CHAT: variants seen among roughly 807,000 people sequenced by gnomAD.
The protein encoded by CHAT is acetyl CoA:choline O-acetyltransferase.
CHAT carries 61 observed loss-of-function variants against 76.9 expected under a neutral mutation model. That is an observed-to-expected ratio of 0.79 (90% confidence interval 0.65 to 0.98). The LOEUF is 0.98. Ranked by LOEUF, CHAT falls within the 50% of genes least tolerant of loss-of-function variation. The pLI is 0.00. For synonymous variants in CHAT, 407 were observed against 397.4 expected, an observed-to-expected ratio of 1.02 and a Z score of -0.29; for missense variants, 946 against 986.9, an observed-to-expected ratio of 0.96 and a Z score of 0.56.
At position 49,666,131 on chromosome 10, in the gene CHAT, G is replaced by A. The variant is rs1840334764; in HGVS notation, c.*1085G>A. 6.6e-6 allele frequency among the ~76,000 whole-genome samples: 1 copy of A among 152,172 alleles called. No individual in the cohort carries two copies. ...AGGGACTCTGACAAAAACCCATGTGGTAGAGCCTAGAGCAGGGCTCTCTTC... is the reference window on the plus strand; with the variant it reads ...AGGGACTCTGACAAAAACCCATGTGATAGAGCCTAGAGCAGGGCTCTCTTC... On this transcript the variant is annotated 3_prime_UTR_variant, in exon 15 of 15. Coordinates refer to ENST00000337653, the MANE Select transcript of CHAT (RefSeq NM_020549.5).
intron 5 of CHAT, among the ~76,000 whole-genome samples, chr10:49,624,449 C>T (rs1040928360): frequency 2.0e-5 from 3 of 152,182 alleles, no homozygotes; most frequent in Admixed American, 6.5e-5. Context: ...CCTTAGGGCT[C>T]AGCTCAATCA....
chr10:49,623,880 C>T (rs1021979418), intron 5 of CHAT, among the ~76,000 whole-genome samples: 2 of 152,212 alleles, frequency 1.3e-5, no homozygotes, highest in Non-Finnish European at 2.9e-5. Context: ...CTCCTCCTTC[C>T]CTGCTGCCCT....
intron 1 of CHAT, chr10:49,616,019 G>C (rs774993410): frequency 1.9e-6 from 3 of 1,612,024 alleles, no homozygotes; most frequent in East Asian, 4.5e-5. Context: ...CTCCACCAAC[G>C]GAGTGAGGGA....
At position 49,614,483 on chromosome 10, in the gene CHAT, G is replaced by C; in HGVS notation, c.286+8G>C. The C allele has an allele frequency of 6.5e-7, 1 of 1,543,732 alleles. No individual in the cohort carries two copies. Among genetic ancestry groups the C allele is most frequent in the South Asian group, 1.2e-5 (1 of 83,966 alleles). ...CAGAGCCGAGGAGAGCAGGTGAGAA[G>C]AAGGGCTGGGCTGGGCTGGCGGAGC... On this transcript the variant is annotated splice_region_variant and intron_variant, in intron 1 of 14. Coordinates refer to ENST00000337653, the MANE Select transcript of CHAT (RefSeq NM_020549.5).
Position 49,614,370 on chromosome 10 carries a change from C to A in CHAT, c.181C>A (p.Pro61Thr), listed in dbSNP as rs923971969. Residue 61 changes from proline to threonine, a missense_variant, in exon 1 of 15, where the codon CCC becomes ACC. Transcript: ENST00000337653. ...CGGGAACCCAGGCTGCAGCCCCCAC[C>A]CCCGCGCTGCGACACGCCCCCCACC... ...PAGNPGCSPH[P>T]RAATRPPPLP... 1.3e-6 allele frequency: 2 copies of A among 1,544,468 alleles called. No homozygotes were observed. The highest frequency in any genetic ancestry group is 1.7e-6 in the Non-Finnish European group (2 of 1,144,434).
chr10:49,646,715 C>G, intron 8 of CHAT, 41 bp downstream of exon 8: 1 of 1,606,384 alleles, frequency 6.2e-7, no homozygotes, highest in African/African-American at 1.3e-5. Context: ...CAGCCATGCC[C>G]CCAGCGAGAG....
rs113265512 is a variant in CHAT, at chr10:49,653,704, G to A, written c.1635-1391G>A. ...CCTCACCAGTACTGAGATGCTGCAG[G>A]ACCTGCCTGGCATTTGGAATGGTGG... On this transcript the variant is annotated intron_variant, in intron 11 of 14. Coordinates refer to ENST00000337653, the MANE Select transcript of CHAT (RefSeq NM_020549.5). Among the ~76,000 whole-genome samples the A allele has an allele frequency of 8.8e-3, 1,345 of 152,352 alleles. 17 individuals carry two copies. Among genetic ancestry groups the A allele is most frequent in the African/African-American group, 0.03 (1,252 of 41,580 alleles).
rs549111308 is a variant in CHAT, at chr10:49,627,829, C to T, written c.1111+44C>T. On this transcript the variant is annotated intron_variant, in intron 7 of 14. Transcript: ENST00000337653. ...CACATCTCCATGCCCATCTCATGCT[C>T]GTGCCCATTGGCTTTCCCTCCTCTA... 10 of 1,596,822 alleles carry T rather than the reference C, an allele frequency of 6.3e-6. No homozygotes were observed. The East Asian group carries it at 1.1e-4, about 18-fold the overall frequency.
At chr10:49,610,033 C>G (rs1016685796), upstream of CHAT, among the ~76,000 whole-genome samples, 4 of 151,450 alleles carry the variant, frequency 2.6e-5, no homozygotes, top group African/African-American at 9.7e-5. Context: ...GGGGGGCAGG[C>G]AGGGGGCGGG....
At chr10:49,612,176 G>A (rs563318974), upstream of CHAT, 3 of 1,610,050 alleles carry the variant, frequency 1.9e-6, no homozygotes, top group African/African-American at 1.3e-5. Flanking sequence ...ACGCGCTCCC[G>A]TTCCGAGCGC....
intron 13 of CHAT, among the ~76,000 whole-genome samples, chr10:49,661,587 T>A (rs1840196039): frequency 2.0e-5 from 3 of 152,190 alleles, no homozygotes; most frequent in African/African-American, 7.2e-5. Flanking sequence ...AAGTTCATTG[T>A]GAATGGGAAG....
chr10:49,660,188 C>A (rs1840149374), intron 13 of CHAT, among the ~76,000 whole-genome samples: 1 of 152,132 alleles, frequency 6.6e-6, no homozygotes, highest in Non-Finnish European at 1.5e-5. Context: ...CGCCTGTAAT[C>A]CCAGCACTTT....
At chr10:49,624,291 G>A (rs1481116174) in intron 5 of CHAT, among the ~76,000 whole-genome samples, 3 of 152,214 alleles carry the variant, frequency 2.0e-5, no homozygotes, top group African/African-American at 4.8e-5. Flanking sequence ...GAGACCAAAT[G>A]TTTTATTACA....
At position 49,665,722 on chromosome 10, in the gene CHAT, A is replaced by G. The variant is rs754165320; in HGVS notation, c.*676A>G. ...TGAGCTCAGAAAATTGTGTCCAGCT[A>G]TTCTGAAAGGAAAAAAAAATTTATC... On this transcript the variant is annotated 3_prime_UTR_variant, in exon 15 of 15. Coordinates refer to ENST00000337653, the MANE Select transcript of CHAT (RefSeq NM_020549.5). 1.1e-4 allele frequency among the ~76,000 whole-genome samples: 16 copies of G among 152,028 alleles called. No homozygotes were observed. Among genetic ancestry groups the G allele is most frequent in the Non-Finnish European group, 4.4e-5 (3 of 68,002 alleles).
rs149737133 is a variant in CHAT, at chr10:49,631,068, C to T, written c.1111+3283C>T. Reference sequence around the variant, plus strand: ...TTATGTGATCTTCCCCACCAACGCTCAGCTCCTCAGGTTCAGCCAGAGTTG... The same window carrying T: ...TTATGTGATCTTCCCCACCAACGCTTAGCTCCTCAGGTTCAGCCAGAGTTG... On this transcript the variant is annotated intron_variant, in intron 7 of 14. Coordinates refer to ENST00000337653, the MANE Select transcript of CHAT (RefSeq NM_020549.5). 3.0e-3 allele frequency among the ~76,000 whole-genome samples: 462 copies of T among 152,328 alleles called. 1 individual carries two copies. The highest frequency in any genetic ancestry group is 6.2e-3 in the South Asian group (30 of 4,824).
intron 1 of CHAT, chr10:49,615,917 C>A: frequency 1.0e-6 from 1 of 959,664 alleles, no homozygotes; most frequent in Non-Finnish European, 1.6e-6. Context: ...TCTCCCTGCC[C>A]TGGCCACAGG....
At chr10:49,629,714 C>T (rs933171665) in intron 7 of CHAT, among the ~76,000 whole-genome samples, 16 of 152,202 alleles carry the variant, frequency 1.1e-4, no homozygotes, top group African/African-American at 3.9e-4. Flanking sequence ...GGAAATGCGA[C>T]AGAAAGGAGG....
chr10:49,632,916 A>G (rs1839174256), intron 7 of CHAT, among the ~76,000 whole-genome samples: 1 of 152,212 alleles, frequency 6.6e-6, no homozygotes, highest in Non-Finnish European at 1.5e-5. Context: ...CAGCTCAGAC[A>G]TGGGCTCAGA....
chr10:49,655,145 T>C lies in CHAT; in HGVS notation c.1685T>C (p.Phe562Ser). Residue 562 changes from phenylalanine to serine, a missense_variant, in exon 12 of 15, where the codon TTC becomes TCC. Coordinates refer to ENST00000337653, the MANE Select transcript of CHAT (RefSeq NM_020549.5). ...TACGAGAGCGCGTCCATCCGCCGAT[T>C]CCAGGAGGGACGCGTGGACAACATC... ...PTYESASIRR[F>S]QEGRVDNIRS... 6.2e-7 allele frequency: 1 copy of C among 1,613,952 alleles called. No homozygotes were observed. Among genetic ancestry groups the C allele is most frequent in the Non-Finnish European group, 8.5e-7 (1 of 1,179,986 alleles).
Sources: allele counts gnomAD v4.1 joint callset (sites outside exome capture counted in the v4.1 genomes callset), GRCh38; gene constraint gnomAD v4.1.1; transcripts MANE v1.5; gene names NCBI Gene and HGNC (gene_info 2026-07-23, HGNC 2026-07-21).